The following MAEA variants were observed in gnomAD, a reference collection of about 807,000 sequenced individuals.
The protein encoded by MAEA is E3 ubiquitin-protein transferase MAEA.
MAEA carries 22 observed loss-of-function variants against 46.2 expected under a neutral mutation model. That is an observed-to-expected ratio of 0.48 (90% confidence interval 0.34 to 0.68). The LOEUF (loss-of-function observed/expected upper bound fraction) is 0.68, where lower values mean the gene tolerates loss of function less well. Among genes scored for constraint, MAEA ranks in the 30% least tolerant of loss-of-function variants. MAEA has a pLI of 0.01. For synonymous variants in MAEA, 246 were observed against 222.6 expected (o/e 1.11, Z -0.94); for missense variants, 393 against 558.1 (o/e 0.70, Z 2.98).
At chr4:1,323,455 G>A (rs937324385) in intron 4 of MAEA, 5 of 702,382 alleles carry the variant, frequency 7.1e-6, no homozygotes, top group African/African-American at 7.0e-5. Flanking sequence ...TTGGCAGGGT[G>A]CACGCAGTTA....
In MAEA at chr4:1,315,384, G is replaced by C. The variant is rs373626553; in HGVS notation, c.253-13G>C. 8 of 1,613,590 alleles carry C rather than the reference G, an allele frequency of 5.0e-6. No individual in the cohort carries two copies. The highest frequency in any genetic ancestry group is 6.8e-6 in the Non-Finnish European group (8 of 1,179,788). On this transcript the variant is annotated splice_polypyrimidine_tract_variant and intron_variant, in intron 2 of 8. Coordinates refer to ENST00000303400, the MANE Select transcript of MAEA (RefSeq NM_001017405.3). ...TCCCTGTCCTGAACGTGCCTCTGTT[G>C]TGTGTGGCTCAGGCGGTGGAATCCA...
chr4:1,309,655 C>G (rs1376472907), intron 1 of MAEA: 3 of 1,531,684 alleles, frequency 2.0e-6, no homozygotes, highest in Admixed American at 3.9e-5. Context: ...GGATGTGGAC[C>G]CTGAGAGCCA....
intron 1 of MAEA, among the ~76,000 whole-genome samples, chr4:1,290,727 T>C (rs55875205): frequency 0.15 from 23,430 of 152,152 alleles, 3,472 homozygotes; most frequent in East Asian, 0.42. Flanking sequence ...AGCTGCGTAG[T>C]TTCTCTCTCC....
intron 3 of MAEA, among the ~76,000 whole-genome samples, chr4:1,317,832 T>C (rs1737494122): frequency 6.6e-6 from 1 of 152,140 alleles, no homozygotes; most frequent in Non-Finnish European, 1.5e-5. Context: ...CTTGTTGAGT[T>C]TCCGAAGTCT....
intron 1 of MAEA, among the ~76,000 whole-genome samples, chr4:1,300,403 G>A (rs1206025844): frequency 6.6e-6 from 1 of 152,254 alleles, no homozygotes; most frequent in African/African-American, 2.4e-5. Flanking sequence ...CCAAAGTTGT[G>A]ACCTTGTGGC....
chr4:1,300,179 C>T (rs902245632), intron 1 of MAEA, among the ~76,000 whole-genome samples: 19 of 152,176 alleles, frequency 1.2e-4, no homozygotes, highest in Non-Finnish European at 2.4e-4. Context: ...GACGATCCAA[C>T]AGCATCCTTA....
intron 1 of MAEA, among the ~76,000 whole-genome samples, chr4:1,300,406 C>T (rs1735199184): frequency 1.3e-5 from 2 of 152,368 alleles, no homozygotes; most frequent in South Asian, 4.1e-4. Context: ...AAGTTGTGAC[C>T]TTGTGGCAGA....
chr4:1,298,196 G>C (rs894511914), intron 1 of MAEA: 2 of 405,048 alleles, frequency 4.9e-6, no homozygotes, highest in East Asian at 7.3e-5. Flanking sequence ...GCTTGGCCCT[G>C]TCTGTCGCCT....
intron 6 of MAEA, among the ~76,000 whole-genome samples, chr4:1,336,323 C>A (rs1163462943): frequency 6.6e-6 from 1 of 151,828 alleles, no homozygotes; most frequent in Non-Finnish European, 1.5e-5. Flanking sequence ...CAGAACTGGC[C>A]CCACAGTATT....
intron 3 of MAEA, among the ~76,000 whole-genome samples, chr4:1,315,926 G>T (rs1013495243): frequency 7.7e-6 from 1 of 129,178 alleles, no homozygotes; most frequent in African/African-American, 3.0e-5. Flanking sequence ...GTGTGTCTGC[G>T]CTGTGGTGAG....
chr4:1,296,988 C>T (rs1577128248), intron 1 of MAEA, among the ~76,000 whole-genome samples: 1 of 152,206 alleles, frequency 6.6e-6, no homozygotes, highest in East Asian at 1.9e-4. Context: ...CTCCTGTCCC[C>T]ACACTGCTGC....
At chr4:1,306,747 C>G (rs1735874647) in intron 1 of MAEA, among the ~76,000 whole-genome samples, 1 of 152,170 alleles carries the variant, frequency 6.6e-6, no homozygotes, top group African/African-American at 2.4e-5. Context: ...CATTTTGTAT[C>G]CTTCTAAGAA....
intron 4 of MAEA, among the ~76,000 whole-genome samples, chr4:1,327,341 G>A (rs1295910376): frequency 1.3e-5 from 2 of 152,214 alleles, no homozygotes; most frequent in African/African-American, 2.4e-5. Context: ...TCCTGGAAGC[G>A]CCCTGAGCGC....
At position 1,332,742 on chromosome 4, in the gene MAEA, A is replaced by C. The variant is rs1447896824; in HGVS notation, c.657-15A>C. On this transcript the variant is annotated splice_polypyrimidine_tract_variant and intron_variant, in intron 5 of 8. Coordinates refer to ENST00000303400, the MANE Select transcript of MAEA (RefSeq NM_001017405.3). ...TAAAACGCAAACTTAAATGTGCCAA[A>C]ATGTTGTTTTTTAGACATGCAAGAA... 1.2e-6 allele frequency: 2 copies of C among 1,601,992 alleles called. No homozygotes were observed. Among genetic ancestry groups the C allele is most frequent in the African/African-American group, 1.3e-5 (1 of 74,698 alleles).
chr4:1,309,864 C>CA, intron 1 of MAEA: 1 of 1,307,552 alleles, frequency 7.6e-7, no homozygotes, highest in Non-Finnish European at 9.8e-7. Flanking sequence ...GCAGCGTCAG[C>CA]ACCGCGGTGA....
rs116411449 is a variant in MAEA at position 1,310,794 on chromosome 4, C to T, written c.70-1185C>T. Reference sequence around the variant, plus strand: ...GCAGCCGGGGGAACGGGCTCAGGGCCGGCCTTGCCACCCGCCTCCTGCCCC... The same window carrying T: ...GCAGCCGGGGGAACGGGCTCAGGGCTGGCCTTGCCACCCGCCTCCTGCCCC... On this transcript the variant is annotated intron_variant, in intron 1 of 8. Transcript: ENST00000303400. 7.0e-3 allele frequency among the ~76,000 whole-genome samples: 1,065 copies of T among 152,318 alleles called. 24 individuals are homozygous for T. The highest frequency in any genetic ancestry group is 0.024 in the African/African-American group (988 of 41,562).
At position 1,315,421 on chromosome 4, in the gene MAEA, G is replaced by A; in HGVS notation, c.277G>A (p.Asp93Asn). The change falls in exon 3 of 9, where the codon GAC (aspartate) becomes AAC (asparagine). Residue 93 changes from aspartate (D) to asparagine (N), a missense_variant. Physicochemically the swap from Asp to Asn is conservative, Grantham distance 23 (BLOSUM62 1). Around this residue, in one of 2 missense-constraint regions of MAEA, gnomAD observed 358 missense variants for 537.9 expected, o/e 0.67. Coordinates refer to ENST00000303400, the MANE Select transcript of MAEA (RefSeq NM_001017405.3). ...RKAVESIQAEDESAKLCKRRI... is the reference protein window; with the variant it reads ...RKAVESIQAENESAKLCKRRI... ...GGCGGTGGAATCCATCCAGGCCGAG[G>A]ACGAGAGCGCCAAGCTGTGCAAGCG... The A allele has an allele frequency of 1.2e-6, 2 of 1,613,916 alleles. No individual in the cohort carries two copies. The highest frequency in any genetic ancestry group is 1.7e-6 in the Non-Finnish European group (2 of 1,180,012).
chr4:1,317,130 G>C (rs1471438343), intron 3 of MAEA, among the ~76,000 whole-genome samples: 1 of 77,634 alleles, frequency 1.3e-5, no homozygotes, highest in Non-Finnish European at 2.5e-5. Context: ...CCACACTCCA[G>C]ACTCACCCGC....
At chr4:1,313,798 T>G (rs1201305547) in intron 2 of MAEA, among the ~76,000 whole-genome samples, 1 of 151,902 alleles carries the variant, frequency 6.6e-6, no homozygotes, top group African/African-American at 2.4e-5. Flanking sequence ...TGTGGCTCAC[T>G]TTGGAAGGGC....
Sources: gnomAD v4.1 joint callset for allele counts (sites outside exome capture counted in the v4.1 genomes callset) on GRCh38, gnomAD v4.1.1 for gene constraint, gnomAD v4.1.1 regional missense constraint, MANE v1.5 for transcripts, NCBI Gene and HGNC (gene_info 2026-07-23, HGNC 2026-07-21) for gene names.